Variants in BABAM2 observed in about 807,000 individuals in gnomAD.
BABAM2 encodes BRISC and BRCA1 A complex member 2.
In BABAM2, 31 loss-of-function variants were observed where a neutral mutation model predicts 54.7. The ratio of observed to expected loss-of-function variants is 0.57; its 90% CI spans 0.43 to 0.77. BABAM2 has a LOEUF of 0.77. BABAM2 is among the 30% of genes least tolerant of loss of function. The pLI is 0.00. For synonymous variants in BABAM2, 167 were observed against 162.9 expected (o/e 1.03, Z -0.19); for missense variants, 364 against 455.8 (o/e 0.80, Z 1.83).
At chr2:28,311,682 C>T (rs1403002818) in intron 11 of BABAM2, among the ~76,000 whole-genome samples, 3 of 152,210 alleles carry the variant, frequency 2.0e-5, no homozygotes. Context: ...TCTGAAAGTA[C>T]TGGGCTAGTA....
At chr2:28,324,518 A>G (rs1408794859) in intron 11 of BABAM2, among the ~76,000 whole-genome samples, 1 of 152,086 alleles carries the variant, frequency 6.6e-6, no homozygotes, top group Non-Finnish European at 1.5e-5. Context: ...TCACACCTAT[A>G]ATTTCAGAAC....
intron 7 of BABAM2, among the ~76,000 whole-genome samples, chr2:28,185,069 G>C (rs921181557): frequency 6.6e-6 from 1 of 152,128 alleles, no homozygotes; most frequent in African/African-American, 2.4e-5. Context: ...AAACTATGGT[G>C]ACTATAACCC....
At chr2:28,169,247 A>G (rs1375932427) in intron 7 of BABAM2, among the ~76,000 whole-genome samples, 1 of 152,166 alleles carries the variant, frequency 6.6e-6, no homozygotes, top group Non-Finnish European at 1.5e-5. Context: ...GAAAAAAATC[A>G]CTTTTATTTT....
chr2:28,279,639 G>A (rs1227450031), intron 10 of BABAM2, among the ~76,000 whole-genome samples: 1 of 149,174 alleles, frequency 6.7e-6, no homozygotes, highest in Non-Finnish European at 1.5e-5. Context: ...AAGGGTTAGT[G>A]CAGACAGGGC....
chr2:28,035,528 T>C (rs1676602115), intron 5 of BABAM2, among the ~76,000 whole-genome samples: 1 of 152,130 alleles, frequency 6.6e-6, no homozygotes, highest in Non-Finnish European at 1.5e-5. Flanking sequence ...AAGGGTGTAG[T>C]GTGGCGGTCA....
At chr2:28,065,271 G>T (rs1190999266) in intron 6 of BABAM2, among the ~76,000 whole-genome samples, 1 of 152,010 alleles carries the variant, frequency 6.6e-6, no homozygotes, top group Non-Finnish European at 1.5e-5. Context: ...TTAATGCCAC[G>T]TATTAAACAT....
chr2:28,045,514 A>T (rs1677491065), intron 5 of BABAM2, among the ~76,000 whole-genome samples: 1 of 152,218 alleles, frequency 6.6e-6, no homozygotes, highest in African/African-American at 2.4e-5. Flanking sequence ...AGATTTTAAA[A>T]ACTCAAATTG....
intron 10 of BABAM2, among the ~76,000 whole-genome samples, chr2:28,253,093 G>A (rs543341181): frequency 6.6e-6 from 1 of 152,226 alleles, no homozygotes; most frequent in African/African-American, 2.4e-5. Context: ...GAAAATAATA[G>A]CAATAACAGT....
At chr2:28,187,958 G>C (rs903435097) in intron 7 of BABAM2, among the ~76,000 whole-genome samples, 1 of 152,112 alleles carries the variant, frequency 6.6e-6, no homozygotes, top group Admixed American at 6.6e-5. Context: ...GTGAGCCACT[G>C]CACCTGGACT....
chr2:27,913,277 T>C (rs1442877741), intron 2 of BABAM2, among the ~76,000 whole-genome samples: 4 of 152,188 alleles, frequency 2.6e-5, no homozygotes, highest in African/African-American at 9.6e-5. Context: ...CTTTTCTTAT[T>C]ATGGATTAGT....
At chr2:28,279,017 TAAAAG>T (rs1274995994) in intron 10 of BABAM2, among the ~76,000 whole-genome samples, 1 of 152,164 alleles carries the variant, frequency 6.6e-6, no homozygotes, top group Non-Finnish European at 1.5e-5. Flanking sequence ...TTTGGGGAAT[TAAAAG>T]AAGAGTAAAT....
chr2:28,120,481 A>G (rs1230256734), intron 6 of BABAM2, among the ~76,000 whole-genome samples: 1 of 152,198 alleles, frequency 6.6e-6, no homozygotes, highest in Non-Finnish European at 1.5e-5. Flanking sequence ...CTGAGTCAGC[A>G]TACATGGGTT....
intron 7 of BABAM2, among the ~76,000 whole-genome samples, chr2:28,187,662 A>ATTTTTTTTTTTTTTTTTTTTTT (rs35839748): frequency 1.0e-5 from 1 of 99,162 alleles, no homozygotes. Flanking sequence ...GAACTTTGGA[A>ATTTTTTTTTTTTTTTTTTTTTT]TTTTTTTTTT....
intron 7 of BABAM2, among the ~76,000 whole-genome samples, chr2:28,181,830 G>A (rs1468583553): frequency 6.6e-6 from 1 of 151,990 alleles, no homozygotes; most frequent in Non-Finnish European, 1.5e-5. Context: ...GGAAGAGAGG[G>A]AGTAGGGGTT....
In BABAM2 at chr2:27,931,664, A is replaced by G. The variant is rs183508338; in HGVS notation, c.205+1756A>G. ...CATTGTATTACACAGTTAATGAATA[A>G]CCCCTAAGAATTCTTAGTAAGTACC... is the stretch of plus-strand genomic sequence containing the variant. On this transcript the variant is annotated intron_variant, in intron 3 of 11. Transcript: ENST00000379624. Among the ~76,000 whole-genome samples, 60 of 152,068 alleles carry G rather than the reference A, an allele frequency of 3.9e-4. No homozygotes were observed. In the East Asian group the frequency reaches 7.4e-3, roughly 19 times the overall value.
Position 28,322,668 on chromosome 2 carries a change from G to A in BABAM2, c.1089-15782G>A, listed in dbSNP as rs528476685. Among the ~76,000 whole-genome samples the A allele has an allele frequency of 6.7e-4, 102 of 152,358 alleles. 1 individual carries two copies. Among genetic ancestry groups the A allele is most frequent in the African/African-American group, 2.4e-3 (98 of 41,598 alleles). On this transcript the variant is annotated intron_variant, in intron 11 of 11. Coordinates refer to ENST00000379624, the MANE Select transcript of BABAM2 (RefSeq NM_199191.3). This position sits in a 1 kb window ranked among gnomAD's most constrained non-coding sequence, Gnocchi z 4.1. ...CAAGCAGTCATGGGCTGTGGTTGGC[G>A]GCCGCAGGCCCCGATGCTTAGGCCA...
intron 7 of BABAM2, among the ~76,000 whole-genome samples, chr2:28,147,396 C>T (rs771535094): frequency 4.6e-5 from 7 of 152,138 alleles, no homozygotes; most frequent in Non-Finnish European, 8.8e-5. Context: ...TTTTTCCTCC[C>T]CTTAATTTTT....
At chr2:27,919,526 C>G (rs76857951) in intron 2 of BABAM2, among the ~76,000 whole-genome samples, 4,384 of 152,152 alleles carry the variant, frequency 0.029, 226 homozygotes, top group African/African-American at 0.1. Context: ...TCCCTTTTAT[C>G]CCAGTTTATA....
chr2:28,102,415 A>T (rs1667165394), intron 6 of BABAM2, among the ~76,000 whole-genome samples: 1 of 152,176 alleles, frequency 6.6e-6, no homozygotes, highest in Non-Finnish European at 1.5e-5. Context: ...ACCATTTAAG[A>T]GTAGTAGAAT....
Sources: allele counts gnomAD v4.1 joint callset (sites outside exome capture counted in the v4.1 genomes callset), GRCh38; gene constraint gnomAD v4.1.1; non-coding constraint Gnocchi (gnomAD v3.1); transcripts MANE v1.5; gene names NCBI Gene and HGNC (gene_info 2026-07-23, HGNC 2026-07-21).